KALRN: variants seen among roughly 807,000 people sequenced by gnomAD.
KALRN encodes the protein kalirin RhoGEF kinase, also known as kalirin.
KALRN carries 70 observed loss-of-function variants against 353.7 expected under a neutral mutation model. That is an observed-to-expected ratio of 0.20 (90% CI 0.16 to 0.24). KALRN has a LOEUF of 0.24. Among genes scored for constraint, KALRN ranks in the 10% least tolerant of loss-of-function variants. The pLI is 1.00. For missense variants in KALRN, 2,791 were observed against 3,756.7 expected (o/e 0.74, Z 6.72); for synonymous variants, 1,391 against 1,434.8 (o/e 0.97, Z 0.69).
intron 21 of KALRN, among the ~76,000 whole-genome samples, chr3:124,450,843 A>G (rs551839300): frequency 3.8e-4 from 58 of 152,094 alleles, no homozygotes; most frequent in Non-Finnish European, 7.8e-4. Flanking sequence ...GATTACAGAC[A>G]TGAGCCACCG....
chr3:124,637,646 C>T lies in KALRN; in HGVS notation c.5664+343C>T, dbSNP rs543955345. Reference sequence around the variant, plus strand: ...GGTTAGCCCAGAAGCTAGTACACCGCGATGCTGAGACCCAGAACACACTGA... The same window carrying T: ...GGTTAGCCCAGAAGCTAGTACACCGTGATGCTGAGACCCAGAACACACTGA... On this transcript the variant is annotated intron_variant, in intron 37 of 59. Coordinates refer to ENST00000682506, the MANE Select transcript of KALRN (RefSeq NM_001388419.1). Among the ~76,000 whole-genome samples the T allele has an allele frequency of 9.2e-5, 14 of 152,238 alleles. No homozygotes were observed. In the East Asian group the frequency reaches 1.4e-3, roughly 15 times the overall value.
At chr3:124,241,888 CCAGT>C (rs1282163021) in intron 3 of KALRN, among the ~76,000 whole-genome samples, 1 of 152,034 alleles carries the variant, frequency 6.6e-6, no homozygotes, top group African/African-American at 2.4e-5. Context: ...TAGGAATGGG[CCAGT>C]CAGAGGGAAG....
chr3:124,580,926 G>A (rs1263185793), intron 34 of KALRN, among the ~76,000 whole-genome samples: 1 of 131,722 alleles, frequency 7.6e-6, no homozygotes, highest in Non-Finnish European at 1.7e-5. Context: ...CAGGGAACAT[G>A]GCAAAACCCT....
At chr3:124,308,507 A>G (rs1288290896) in intron 6 of KALRN, among the ~76,000 whole-genome samples, 1 of 152,052 alleles carries the variant, frequency 6.6e-6, no homozygotes. Context: ...GAAATCGGTA[A>G]CAGAAAGAAT....
At chr3:124,639,234 C>T (rs938678028) in intron 37 of KALRN, among the ~76,000 whole-genome samples, 1 of 70,884 alleles carries the variant, frequency 1.4e-5, no homozygotes, top group Non-Finnish European at 2.3e-5. Context: ...CAGGGTCCTA[C>T]TCAGATCTCC....
At chr3:124,584,985 G>C in intron 34 of KALRN, 1 of 1,499,908 alleles carries the variant, frequency 6.7e-7, no homozygotes, top group South Asian at 1.3e-5. Flanking sequence ...TGGTAGGGAG[G>C]GAAGGGTTGG....
rs1367360357 is a variant in KALRN, at chr3:124,422,825, C to T, written c.2556C>T (p.Ile852=). Residue 852 remains isoleucine, a synonymous_variant, in exon 15 of 60, where the codon ATC becomes ATT. Transcript: ENST00000682506. ...TTTTAAAATCAGGAATTGAGTTGAT[C>T]TGTGAAAAAGACATTGATCTGGCAG... ...TEVQASGIEL[I]CEKDIDLAAQ... is the part of the protein sequence containing the mutation. 3 of 1,613,584 alleles carry T rather than the reference C, an allele frequency of 1.9e-6. No homozygotes were observed. Among genetic ancestry groups the T allele is most frequent in the East Asian group, 2.2e-5 (1 of 44,866 alleles).
chr3:124,344,168 T>C (rs2082043451), intron 9 of KALRN, among the ~76,000 whole-genome samples: 1 of 152,240 alleles, frequency 6.6e-6, no homozygotes, highest in African/African-American at 2.4e-5. Flanking sequence ...TGGGTGCTTG[T>C]ACTTAGGTAG....
chr3:124,273,443 CT>C (rs1241217677), intron 5 of KALRN, among the ~76,000 whole-genome samples: 1 of 152,072 alleles, frequency 6.6e-6, no homozygotes, highest in Non-Finnish European at 1.5e-5. Context: ...TGTGTATTCA[CT>C]TTTTTTTATT....
intron 1 of KALRN, among the ~76,000 whole-genome samples, chr3:124,130,549 T>C (rs2065159580): frequency 6.6e-6 from 1 of 152,154 alleles, no homozygotes; most frequent in Non-Finnish European, 1.5e-5. Flanking sequence ...GGAGTGTATA[T>C]TTATACAGCA....
At chr3:124,286,139 CCTTT>C (rs1553894156) in intron 5 of KALRN, among the ~76,000 whole-genome samples, 3 of 41,714 alleles carry the variant, frequency 7.2e-5, no homozygotes, top group Non-Finnish European at 1.6e-4. Flanking sequence ...TTCTTTCTTT[CCTTT>C]CTTTCTTTCC....
At position 124,477,836 on chromosome 3, in the gene KALRN, T is replaced by TG. The variant is rs199882357; in HGVS notation, c.4191+504dup. On this transcript the variant is annotated intron_variant, in intron 27 of 59. Coordinates refer to ENST00000682506, the MANE Select transcript of KALRN (RefSeq NM_001388419.1). ...CTAATGCAATTGATTCAACCTTTTT[T>TG]GGAAAAAAAAAACTGATATCTGAAT... Among the ~76,000 whole-genome samples the TG allele has an allele frequency of 1.5e-4, 22 of 150,812 alleles. No homozygotes were observed. The East Asian group carries it at 2.9e-3, about 20-fold the overall frequency.
At chr3:124,449,707 A>G (rs1055493185) in intron 21 of KALRN, among the ~76,000 whole-genome samples, 1 of 151,696 alleles carries the variant, frequency 6.6e-6, no homozygotes, top group African/African-American at 2.4e-5. Flanking sequence ...TGCATTCCCT[A>G]CTCTCCTCAA....
intron 15 of KALRN, among the ~76,000 whole-genome samples, chr3:124,428,183 G>A (rs887839045): frequency 1.1e-4 from 16 of 152,164 alleles, no homozygotes; most frequent in African/African-American, 3.9e-4. Context: ...ACCAACAAGG[G>A]TTATCAGTGA....
intron 21 of KALRN, among the ~76,000 whole-genome samples, chr3:124,449,984 A>T (rs2058622830): frequency 6.6e-6 from 1 of 152,214 alleles, no homozygotes; most frequent in African/African-American, 2.4e-5. Context: ...TTTGGCTGTC[A>T]TGAATAATGC....
chr3:124,503,114 G>C (rs1212769785), intron 33 of KALRN, among the ~76,000 whole-genome samples: 1 of 152,102 alleles, frequency 6.6e-6, no homozygotes, highest in African/African-American at 2.4e-5. Flanking sequence ...GTCTCAGTGG[G>C]GCTGGAGGGG....
At chr3:124,492,336 C>G (rs1374466163) in intron 31 of KALRN, among the ~76,000 whole-genome samples, 1 of 152,146 alleles carries the variant, frequency 6.6e-6, no homozygotes, top group Non-Finnish European at 1.5e-5. Context: ...GACATATATC[C>G]ATACTGATTG....
chr3:124,229,342 C>T (rs184891045), intron 2 of KALRN, among the ~76,000 whole-genome samples: 3 of 152,350 alleles, frequency 2.0e-5, no homozygotes, highest in Admixed American at 1.3e-4. Flanking sequence ...TGTTGCAGGG[C>T]TCCACTCTAG....
chr3:124,578,886 TG>T (rs62682660), intron 34 of KALRN, among the ~76,000 whole-genome samples: 88,578 of 151,812 alleles, frequency 0.58, 26,556 homozygotes, highest in East Asian at 0.78. Context: ...GATCAGGGCC[TG>T]GCCTCTGCAC....
Sources: allele counts gnomAD v4.1 joint callset (sites outside exome capture counted in the v4.1 genomes callset), GRCh38; gene constraint gnomAD v4.1.1; transcripts MANE v1.5; gene names NCBI Gene and HGNC (gene_info 2026-07-23, HGNC 2026-07-21).